Variants in ADGRL3 observed in about 807,000 individuals in gnomAD.
ADGRL3 encodes calcium-independent alpha-latrotoxin receptor 3.
In ADGRL3, 62 loss-of-function variants were observed where a neutral mutation model predicts 153.5. The observed-to-expected ratio is 0.40, with a 90% CI of 0.33 to 0.50. The LOEUF (loss-of-function observed/expected upper bound fraction) is 0.50. Among genes scored for constraint, ADGRL3 ranks in the 20% least tolerant of loss-of-function variants. The probability of loss-of-function intolerance (pLI) is 0.47; values close to 1 mark genes in which losing one functional copy is unlikely to be tolerated. For synonymous variants in ADGRL3, 710 were observed against 672.5 expected (o/e 1.06, Z -0.86); for missense variants, 1,641 against 1,859.4 (o/e 0.88, Z 2.16).
At chr4:61,438,911 T>G (rs989688653) in intron 2 of ADGRL3, among the ~76,000 whole-genome samples, 3 of 151,648 alleles carry the variant, frequency 2.0e-5, no homozygotes, top group Non-Finnish European at 4.4e-5. Flanking sequence ...GTTTCACCAT[T>G]TTAGCCAGGA....
chr4:61,788,696 T>A (rs1349113884), intron 8 of ADGRL3, among the ~76,000 whole-genome samples: 1 of 152,128 alleles, frequency 6.6e-6, no homozygotes, highest in Admixed American at 6.6e-5. Context: ...AATCTCTGAA[T>A]TGCCAGAAAA....
At chr4:61,376,719 C>T (rs188144076) in intron 1 of ADGRL3, among the ~76,000 whole-genome samples, 1 of 152,164 alleles carries the variant, frequency 6.6e-6, no homozygotes. Flanking sequence ...TTCCTGTCTA[C>T]AGCAGAATGC....
chr4:62,052,565 ATAT>A (rs1158870237), intron 25 of ADGRL3, among the ~76,000 whole-genome samples: 1 of 151,462 alleles, frequency 6.6e-6, no homozygotes, highest in Non-Finnish European at 1.5e-5. Context: ...GAATTATTAT[ATAT>A]TATTGTCCAA....
intron 6 of ADGRL3, among the ~76,000 whole-genome samples, chr4:61,677,935 G>C (rs1158357546): frequency 6.6e-6 from 1 of 151,756 alleles, no homozygotes; most frequent in Non-Finnish European, 1.5e-5. Flanking sequence ...TAAAATAATA[G>C]TGAAAACAAT....
At chr4:61,970,918 A>T (rs2099024739) in intron 17 of ADGRL3, among the ~76,000 whole-genome samples, 1 of 151,986 alleles carries the variant, frequency 6.6e-6, no homozygotes, top group African/African-American at 2.4e-5. Context: ...AATGCCAGGA[A>T]TTTTTTTCAC....
At chr4:61,994,374 A>G (rs2099114537) in intron 19 of ADGRL3, among the ~76,000 whole-genome samples, 1 of 151,734 alleles carries the variant, frequency 6.6e-6, no homozygotes, top group Non-Finnish European at 1.5e-5. Context: ...TTGGTCTTGA[A>G]GTCCTAGGCT....
At chr4:61,592,073 C>A (rs866150595) in intron 5 of ADGRL3, among the ~76,000 whole-genome samples, 199 of 123,498 alleles carry the variant, frequency 1.6e-3, no homozygotes, top group Middle Eastern at 4.3e-3. Flanking sequence ...GAAACTGCTT[C>A]AAAAAAAAAA....
intron 13 of ADGRL3, among the ~76,000 whole-genome samples, chr4:61,930,905 G>GA (rs1211619594): frequency 2.6e-5 from 4 of 151,664 alleles, no homozygotes; most frequent in South Asian, 2.1e-4. Flanking sequence ...ACTAGTTGGA[G>GA]AAAAAAAATT....
chr4:61,634,255 T>A (rs548325999), intron 5 of ADGRL3, among the ~76,000 whole-genome samples: 30 of 152,238 alleles, frequency 2.0e-4, no homozygotes, highest in African/African-American at 6.7e-4. Context: ...TGATTTCACA[T>A]CCATTAAGGG....
At chr4:61,955,111 C>G (rs990306589) in intron 17 of ADGRL3, among the ~76,000 whole-genome samples, 2 of 152,096 alleles carry the variant, frequency 1.3e-5, no homozygotes, top group Non-Finnish European at 2.9e-5. Flanking sequence ...AGTGGGTTAG[C>G]GTAGGTGTTT....
intron 3 of ADGRL3, among the ~76,000 whole-genome samples, chr4:61,506,495 A>G (rs1318431596): frequency 6.6e-6 from 1 of 152,096 alleles, no homozygotes; most frequent in Non-Finnish European, 1.5e-5. Context: ...GACTGTAACT[A>G]AGTCTTTAAT....
intron 1 of ADGRL3, among the ~76,000 whole-genome samples, chr4:61,335,469 A>G (rs1352607997): frequency 1.3e-5 from 2 of 152,164 alleles, no homozygotes; most frequent in Non-Finnish European, 2.9e-5. Context: ...ATGGCTATTC[A>G]GGTCAAATTC....
intron 21 of ADGRL3, among the ~76,000 whole-genome samples, chr4:62,003,104 T>C (rs2099146110): frequency 6.6e-6 from 1 of 152,136 alleles, no homozygotes; most frequent in Admixed American, 6.5e-5. Flanking sequence ...TAATGGCCAT[T>C]TTAAGACGTA....
intron 1 of ADGRL3, among the ~76,000 whole-genome samples, chr4:61,245,362 A>C (rs1376929124): frequency 6.6e-6 from 1 of 151,972 alleles, no homozygotes; most frequent in Non-Finnish European, 1.5e-5. Flanking sequence ...ACATTTAAAA[A>C]ATTTCTTCTC....
Position 61,950,140 on chromosome 4 carries a change from A to C in ADGRL3, c.2805+1864A>C, listed in dbSNP as rs928705718. On this transcript the variant is annotated intron_variant, in intron 17 of 26. Coordinates refer to ENST00000683033, the MANE Select transcript of ADGRL3 (RefSeq NM_001387552.1). ...TCTTTATAAGTTCAATAAAATGTGA[A>C]ATAACATGTATTTTTAACCATACTG... 2.4e-4 allele frequency among the ~76,000 whole-genome samples: 37 copies of C among 152,342 alleles called. 1 individual carries two copies. Among genetic ancestry groups the C allele is most frequent in the Non-Finnish European group, 1.5e-5 (1 of 68,028 alleles).
rs1376417225 is a variant in ADGRL3, at chr4:61,617,000, C to T, written c.473+29560C>T. ...TGGATTCTTAATATTTATACAAGAT[C>T]CTATAATTTCTGATTTATCCTTAAA... On this transcript the variant is annotated intron_variant, in intron 5 of 26. Transcript: ENST00000683033. Among the ~76,000 whole-genome samples, 6 of 152,084 alleles carry T rather than the reference C, an allele frequency of 3.9e-5. No individual in the cohort carries two copies. In the East Asian group the frequency reaches 1.2e-3, roughly 29 times the overall value.
intron 4 of ADGRL3, among the ~76,000 whole-genome samples, chr4:61,518,833 T>C (rs1248436303): frequency 1.3e-5 from 2 of 152,212 alleles, no homozygotes; most frequent in Non-Finnish European, 2.9e-5. Flanking sequence ...GTAAACATTC[T>C]TTAAGAACTT....
intron 2 of ADGRL3, among the ~76,000 whole-genome samples, chr4:61,488,198 G>A (rs2152766520): frequency 6.6e-6 from 1 of 151,982 alleles, no homozygotes; most frequent in Middle Eastern, 3.4e-3. Flanking sequence ...CACTACCTGA[G>A]AGACAATTAA....
intron 5 of ADGRL3, among the ~76,000 whole-genome samples, chr4:61,593,124 C>G (rs569874092): frequency 1.2e-4 from 18 of 152,258 alleles, no homozygotes; most frequent in African/African-American, 4.3e-4. Flanking sequence ...AAAAAGGAAA[C>G]TAATAAAAAC....
Sources: allele counts gnomAD v4.1 joint callset (sites outside exome capture counted in the v4.1 genomes callset), GRCh38; gene constraint gnomAD v4.1.1; transcripts MANE v1.5; gene names NCBI Gene and HGNC (gene_info 2026-07-23, HGNC 2026-07-21).